ERI1: variants seen among roughly 807,000 people sequenced by gnomAD.
ERI1 encodes exoribonuclease 1, also known as 3'-5' exoribonuclease 1.
ERI1 carries 39 observed loss-of-function variants against 39.7 expected under a neutral mutation model. That is an observed-to-expected ratio of 0.98 (90% CI 0.76 to 1.28). ERI1 has a LOEUF of 1.28. Ranked by LOEUF, ERI1 falls within the 50% of genes most tolerant of loss-of-function variation. The probability of loss-of-function intolerance (pLI) is 0.00; values close to 1 mark genes in which losing one functional copy is unlikely to be tolerated. For missense variants in ERI1, 581 were observed against 416.9 expected, an observed-to-expected ratio of 1.39 and a Z score of -3.43; for synonymous variants, 204 against 149.6, an observed-to-expected ratio of 1.36 and a Z score of -2.65.
chr8:9,005,788 C>T (rs186186947), intron 1 of ERI1, among the ~76,000 whole-genome samples: 149 of 152,320 alleles, frequency 9.8e-4, no homozygotes, highest in Admixed American at 4.1e-3. Flanking sequence ...GCCAACGCGC[C>T]CGGCCTCAAC....
chr8:9,026,175 A>G (rs1213728057), intron 6 of ERI1, among the ~76,000 whole-genome samples: 2 of 152,190 alleles, frequency 1.3e-5, no homozygotes, highest in South Asian at 2.1e-4. Flanking sequence ...GCCCTCAAAA[A>G]GTTTCGGATT....
At position 9,032,937 on chromosome 8, in the gene ERI1, A is replaced by C. The variant is rs1162589190; in HGVS notation, c.*2903A>C. 1 of 152,234 alleles carries C rather than the reference A, an allele frequency of 6.6e-6. No homozygotes were observed. Among genetic ancestry groups the C allele is most frequent in the African/African-American group, 2.4e-5 (1 of 41,468 alleles). 9.4% of individuals were successfully genotyped at this position (152,234 alleles called of 1,614,324 possible). A position where few individuals can be genotyped will look rare whatever the true frequency, so the allele number is the denominator to read the frequency against. On this transcript the variant is annotated 3_prime_UTR_variant, in exon 7 of 7. Coordinates refer to ENST00000250263, the MANE Select transcript of ERI1 (RefSeq NM_153332.4). ...ACTTTCCATTTCTAAGCTACCATGG[A>C]GAAGTATATGCTCCTCGAGACCAGA...
chr8:9,099,727 C>G (rs578114350), intron 3 of ERI1: 1 of 152,226 alleles, frequency 6.6e-6, no homozygotes, highest in African/African-American at 2.4e-5. Context: ...TATGATACAG[C>G]AATTTATTTA....
At chr8:9,057,799 G>A (rs1044349863) in intron 3 of ERI1, among the ~76,000 whole-genome samples, 3 of 152,222 alleles carry the variant, frequency 2.0e-5, no homozygotes, top group Non-Finnish European at 4.4e-5. Context: ...GTAAAGTGTG[G>A]TCAGGACAGA....
intron 6 of ERI1, among the ~76,000 whole-genome samples, chr8:9,024,256 TATAA>T (rs2117270005): frequency 6.6e-6 from 1 of 152,318 alleles, no homozygotes; most frequent in Admixed American, 6.5e-5. Flanking sequence ...GCTGAAACAA[TATAA>T]ATAAAAATAC....
intron 3 of ERI1, among the ~76,000 whole-genome samples, chr8:9,084,430 A>G (rs1040879354): frequency 5.3e-5 from 8 of 152,120 alleles, no homozygotes; most frequent in Non-Finnish European, 1.0e-4. Flanking sequence ...TGGCTGCCCT[A>G]AACCTGAACA....
intron 3 of ERI1, among the ~76,000 whole-genome samples, chr8:9,099,054 C>T (rs1306179559): frequency 2.6e-5 from 4 of 152,036 alleles, no homozygotes; most frequent in African/African-American, 4.8e-5. Flanking sequence ...AGGCTGGTCT[C>T]GAACTCCTGA....
intron 3 of ERI1, among the ~76,000 whole-genome samples, chr8:9,059,016 C>T (rs867500088): frequency 5.9e-5 from 9 of 151,674 alleles, no homozygotes; most frequent in African/African-American, 9.7e-5. Flanking sequence ...AAAGAGTCAG[C>T]GAAGGGAGAT....
chr8:9,057,479 G>A (rs967907261), intron 3 of ERI1, among the ~76,000 whole-genome samples: 1 of 152,156 alleles, frequency 6.6e-6, no homozygotes, highest in African/African-American at 2.4e-5. Flanking sequence ...CACTTTTGCG[G>A]TCCAAGTTTA....
intron 3 of ERI1, among the ~76,000 whole-genome samples, chr8:9,013,311 G>A (rs1410586449): frequency 1.3e-4 from 18 of 142,226 alleles, no homozygotes; most frequent in African/African-American, 3.8e-4. Flanking sequence ...CACCATGCCC[G>A]GCCATTCTCA....
chr8:9,037,190 A>C (rs2979258), downstream of ERI1, among the ~76,000 whole-genome samples: 135,441 of 152,206 alleles, frequency 0.89, 60,547 homozygotes, highest in Non-Finnish European at 0.93. Flanking sequence ...GCATATAAGA[A>C]CCTTCACAGT....
chr8:9,024,041 C>CCGCA (rs1324280257), intron 6 of ERI1, among the ~76,000 whole-genome samples: 1 of 152,002 alleles, frequency 6.6e-6, no homozygotes, highest in African/African-American at 2.4e-5. Flanking sequence ...ACCTTGTGAT[C>CCGCA]CGCACACCTT....
At chr8:9,025,986 C>T (rs781064761) in intron 6 of ERI1, among the ~76,000 whole-genome samples, 10 of 152,144 alleles carry the variant, frequency 6.6e-5, no homozygotes, top group Non-Finnish European at 1.2e-4. Flanking sequence ...GAAAGCAGAA[C>T]TGTCACTGTC....
intron 3 of ERI1, among the ~76,000 whole-genome samples, chr8:9,075,802 TTTTA>T (rs1448241520): frequency 1.3e-5 from 2 of 152,148 alleles, no homozygotes; most frequent in Non-Finnish European, 2.9e-5. Flanking sequence ...TTAAAAAATT[TTTTA>T]TTTATTATTT....
At chr8:9,061,125 G>C (rs1383310157) in intron 3 of ERI1, among the ~76,000 whole-genome samples, 2 of 152,204 alleles carry the variant, frequency 1.3e-5, no homozygotes, top group South Asian at 4.1e-4. Flanking sequence ...GATAGATGTG[G>C]AAGATACTAT....
At chr8:9,003,326 C>G (rs1423227224) in intron 1 of ERI1, among the ~76,000 whole-genome samples, 155 bp downstream of exon 1, 1 of 152,234 alleles carries the variant, frequency 6.6e-6, no homozygotes, top group African/African-American at 2.4e-5. Context: ...TGGCTTTATC[C>G]TCGGGTGGGT....
At chr8:9,010,244 A>G (rs578138235) in intron 2 of ERI1, among the ~76,000 whole-genome samples, 4 of 152,330 alleles carry the variant, frequency 2.6e-5, no homozygotes, top group Non-Finnish European at 2.9e-5. Flanking sequence ...TTGTCCTGCC[A>G]TTAGCTTTGC....
At chr8:9,085,001 C>T (rs1439671577) in intron 3 of ERI1, among the ~76,000 whole-genome samples, 2 of 152,136 alleles carry the variant, frequency 1.3e-5, no homozygotes, top group African/African-American at 2.4e-5. Context: ...GCCCACCAAC[C>T]AACAGCATCA....
chr8:9,009,725 A>G (rs1175475874), intron 2 of ERI1, among the ~76,000 whole-genome samples: 1 of 152,078 alleles, frequency 6.6e-6, no homozygotes, highest in Non-Finnish European at 1.5e-5. Flanking sequence ...TTTTTAGTGA[A>G]GATAGGGTTT....
Sources: gnomAD v4.1 joint callset for allele counts (sites outside exome capture counted in the v4.1 genomes callset) on GRCh38, gnomAD v4.1.1 for gene constraint, MANE v1.5 for transcripts, NCBI Gene and HGNC (gene_info 2026-07-23, HGNC 2026-07-21) for gene names.